GPHN: variants seen among roughly 807,000 people sequenced by gnomAD.
The protein encoded by GPHN is gephyrin.
GPHN carries 17 observed loss-of-function variants against 95.5 expected under a neutral mutation model. The observed-to-expected ratio is 0.18, with a 90% CI of 0.12 to 0.27. The LOEUF (loss-of-function observed/expected upper bound fraction) is 0.27. Ranked by LOEUF, GPHN falls within the 10% of genes least tolerant of loss-of-function variation. The pLI is 1.00. For missense variants in GPHN, 660 were observed against 978.1 expected (o/e 0.67, Z 4.34); for synonymous variants, 320 against 322.5 (o/e 0.99, Z 0.08).
At chr14:67,127,404 A>G (rs868057806) in intron 17 of GPHN, among the ~76,000 whole-genome samples, 15 of 152,222 alleles carry the variant, frequency 9.9e-5, no homozygotes, top group African/African-American at 2.2e-4. Context: ...AAAAAGATCA[A>G]TTGACCTAGA....
At chr14:66,838,538 T>C (rs1412465150) in intron 4 of GPHN, among the ~76,000 whole-genome samples, 2 of 152,132 alleles carry the variant, frequency 1.3e-5, no homozygotes, top group Non-Finnish European at 2.9e-5. Context: ...CCAAATCTAC[T>C]CTTGTAAAAT....
chr14:67,674,598 C>T, the GPHN span: 6 of 843,154 alleles, frequency 7.1e-6, no homozygotes, highest in Admixed American at 3.6e-5. Context: ...ACCGCCGCAC[C>T]ACCGCCGCCC....
the GPHN span, chr14:67,690,462 T>C: frequency 1.9e-6 from 3 of 1,566,812 alleles, no homozygotes; most frequent in Non-Finnish European, 2.6e-6. Context: ...CAGGGCCATG[T>C]AGGAATGACA....
intron 1 of GPHN, among the ~76,000 whole-genome samples, chr14:66,655,840 A>G (rs2065274857): frequency 1.3e-5 from 2 of 152,094 alleles, no homozygotes; most frequent in Admixed American, 1.3e-4. Context: ...GCTTTCCCGC[A>G]TTGATTCTAT....
intron 8 of GPHN, among the ~76,000 whole-genome samples, chr14:66,956,220 A>G (rs919104302): frequency 6.6e-6 from 1 of 152,214 alleles, no homozygotes; most frequent in African/African-American, 2.4e-5. Flanking sequence ...AGATGTTTAC[A>G]GCTATAAGTT....
At chr14:66,613,162 T>G (rs2062855999) in intron 1 of GPHN, among the ~76,000 whole-genome samples, 1 of 152,084 alleles carries the variant, frequency 6.6e-6, no homozygotes, top group Non-Finnish European at 1.5e-5. Context: ...GGTCACAACA[T>G]TTTTGTGAAC....
Position 66,976,923 on chromosome 14 carries a change from G to GGA in GPHN, c.963+11599_963+11600insAG, listed in dbSNP as rs1199582761. Reference sequence around the variant, plus strand: ...TGCAGCACAGAAATATGTGGGGGGGGGGGGAGTACACTCTCACTAGAAATC... The same window carrying GGA: ...TGCAGCACAGAAATATGTGGGGGGGGGAGGGGAGTACACTCTCACTAGAAATC... On this transcript the variant is annotated intron_variant, in intron 9 of 22. Transcript: ENST00000478722. 1.5e-5 allele frequency among the ~76,000 whole-genome samples: 2 copies of GGA among 135,664 alleles called. 1 individual carries two copies. The highest frequency in any genetic ancestry group is 3.2e-5 in the Non-Finnish European group (2 of 63,046). The allele number at this position is 135,664 out of a possible 152,430, so 89.0% of individuals were successfully genotyped here. A position where few individuals can be genotyped will look rare whatever the true frequency, so the allele number is the denominator to read the frequency against.
the GPHN span, among the ~76,000 whole-genome samples, chr14:67,232,603 T>C: frequency 2.0e-5 from 3 of 152,248 alleles, no homozygotes; most frequent in Non-Finnish European, 4.4e-5. Context: ...CTTCTGTGTA[T>C]ATTTTAGATA....
At chr14:67,641,721 G>A in the GPHN span, among the ~76,000 whole-genome samples, 4 of 152,154 alleles carry the variant, frequency 2.6e-5, no homozygotes, top group African/African-American at 9.7e-5. Context: ...GGGAGGATCA[G>A]TTGAGGTCAG....
chr14:66,582,654 G>A (rs1442502882), intron 1 of GPHN, among the ~76,000 whole-genome samples: 3 of 151,682 alleles, frequency 2.0e-5, no homozygotes, highest in Admixed American at 6.6e-5. Flanking sequence ...TTGTCCTTGC[G>A]ATAGTTTGCT....
the GPHN span, among the ~76,000 whole-genome samples, chr14:67,521,849 C>T: frequency 3.4e-4 from 51 of 152,148 alleles, no homozygotes; most frequent in Non-Finnish European, 6.3e-4. Context: ...TAACTGTGAT[C>T]GTAAGTCTTT....
chr14:67,489,989 C>CAAA, the GPHN span, among the ~76,000 whole-genome samples: 1 of 139,080 alleles, frequency 7.2e-6, no homozygotes. Flanking sequence ...GACTCCGTCT[C>CAAA]AAAAAAAAAA....
At chr14:66,600,100 T>A (rs1237413944) in intron 1 of GPHN, among the ~76,000 whole-genome samples, 3 of 152,082 alleles carry the variant, frequency 2.0e-5, no homozygotes, top group Non-Finnish European at 2.9e-5. Context: ...TTCTTTTGCA[T>A]ATTATCTCAT....
chr14:66,621,616 G>A (rs938304927), intron 1 of GPHN, among the ~76,000 whole-genome samples: 3 of 150,840 alleles, frequency 2.0e-5, no homozygotes, highest in African/African-American at 7.3e-5. Context: ...GTAGAGACGG[G>A]GTTTCACCAT....
At chr14:66,945,471 G>T (rs923830870) in intron 8 of GPHN, among the ~76,000 whole-genome samples, 16 of 152,102 alleles carry the variant, frequency 1.1e-4, no homozygotes, top group Non-Finnish European at 1.9e-4. Context: ...GGGGACTGGG[G>T]GAAGAAAGTG....
chr14:67,365,380 G>T, the GPHN span, among the ~76,000 whole-genome samples: 3 of 152,196 alleles, frequency 2.0e-5, no homozygotes, highest in Non-Finnish European at 4.4e-5. Flanking sequence ...AGCTAAAATA[G>T]TAATGAGATC....
chr14:66,758,542 G>T (rs1275399512), intron 2 of GPHN, among the ~76,000 whole-genome samples: 2 of 152,096 alleles, frequency 1.3e-5, no homozygotes, highest in African/African-American at 2.4e-5. Context: ...GCCTGAAGGC[G>T]AGAAGAGAGA....
the GPHN span, chr14:67,722,769 T>C: frequency 7.3e-7 from 1 of 1,365,416 alleles, no homozygotes; most frequent in Non-Finnish European, 1.0e-6. Context: ...TGGAAGCCGG[T>C]TCTCAGCTGC....
chr14:67,311,671 A>G, the GPHN span, among the ~76,000 whole-genome samples: 2 of 152,234 alleles, frequency 1.3e-5, no homozygotes, highest in African/African-American at 4.8e-5. Flanking sequence ...TGGCATACAG[A>G]ATAGCTTATA....
Sources: gnomAD v4.1 joint callset for allele counts (sites outside exome capture counted in the v4.1 genomes callset) on GRCh38, gnomAD v4.1.1 for gene constraint, MANE v1.5 for transcripts, NCBI Gene and HGNC (gene_info 2026-07-23, HGNC 2026-07-21) for gene names.